Variants in COCH observed in about 807,000 individuals in gnomAD.
The protein encoded by COCH is cochlin.
Under a neutral mutation model 54.8 loss-of-function variants are expected in COCH, and 40 were observed. The ratio of observed to expected loss-of-function variants is 0.73; its 90% CI spans 0.57 to 0.95. The LOEUF is 0.95. COCH is among the 40% of genes least tolerant of loss of function. The pLI, the probability that COCH is intolerant of heterozygous loss-of-function variation, is 0.00. For missense variants in COCH, 605 were observed against 675.0 expected, an observed-to-expected ratio of 0.90 and a Z score of 1.15; for synonymous variants, 256 against 237.9, an observed-to-expected ratio of 1.08 and a Z score of -0.70.
At chr14:30,891,450 A>T (rs1895980433), downstream of COCH, among the ~76,000 whole-genome samples, 1 of 152,260 alleles carries the variant, frequency 6.6e-6, no homozygotes, top group Non-Finnish European at 1.5e-5. Flanking sequence ...GAGGAATAAA[A>T]GGACTACATG....
At chr14:30,893,632 T>G (rs570275569), downstream of COCH, among the ~76,000 whole-genome samples, 18 of 152,262 alleles carry the variant, frequency 1.2e-4, no homozygotes, top group Admixed American at 1.0e-3. Context: ...TGTGCATTTC[T>G]GGGGGTTATT....
At position 30,877,462 on chromosome 14, in the gene COCH, G is replaced by A. The variant is rs1483934222; in HGVS notation, c.83-110G>A. On this transcript the variant is annotated intron_variant, in intron 3 of 11. Coordinates refer to ENST00000396618, the MANE Select transcript of COCH (RefSeq NM_004086.3). This position sits in a 1 kb window ranked among gnomAD's most constrained non-coding sequence, Gnocchi z 8.6. Reference sequence around the variant, plus strand: ...GTATATAAGTCAATAGTCATAACTAGAAGTGTAGAAATTAGGGAAGTAAAA... The same window carrying A: ...GTATATAAGTCAATAGTCATAACTAAAAGTGTAGAAATTAGGGAAGTAAAA... 1.6e-5 allele frequency: 22 copies of A among 1,348,446 alleles called. No homozygotes were observed. The highest frequency in any genetic ancestry group is 5.8e-5 in the Admixed American group (3 of 51,960). 83.5% of individuals were successfully genotyped at this position (1,348,446 alleles called of 1,614,324 possible). A position where few individuals can be genotyped will look rare whatever the true frequency, so the allele number is the denominator to read the frequency against.
In COCH at chr14:30,887,127, C is replaced by G. The variant is rs570198354; in HGVS notation, c.1477+815C>G. ...AAATTTCCTTGGCCAGGTGCAGTGGCTCACATCTGTAATTCAGCACTTTGG... is the reference window on the plus strand; with the variant it reads ...AAATTTCCTTGGCCAGGTGCAGTGGGTCACATCTGTAATTCAGCACTTTGG... On this transcript the variant is annotated intron_variant, in intron 11 of 11. Transcript: ENST00000396618. Among the ~76,000 whole-genome samples, 9 of 152,264 alleles carry G rather than the reference C, an allele frequency of 5.9e-5. No individual in the cohort carries two copies. The South Asian group carries it at 1.9e-3, about 32-fold the overall frequency.
Position 30,878,952 on chromosome 14 carries a change from T to C in COCH, c.373+8T>C, listed in dbSNP as rs1199281495. ...CTTCTTTCACAGTAACTAGTAGGTA[T>C]AATTATTGTTCTCATTCTGTAATAT... On this transcript the variant is annotated splice_region_variant and intron_variant, in intron 5 of 11. Coordinates refer to ENST00000396618, the MANE Select transcript of COCH (RefSeq NM_004086.3). 1.2e-6 allele frequency: 2 copies of C among 1,613,838 alleles called. No homozygotes were observed. Among genetic ancestry groups the C allele is most frequent in the South Asian group, 1.1e-5 (1 of 91,074 alleles).
chr14:30,884,500 C>T, intron 8 of COCH, 53 bp from the exon 9 acceptor site: 1 of 1,273,314 alleles, frequency 7.9e-7, no homozygotes, highest in South Asian at 1.2e-5. Context: ...TGTAATGTTG[C>T]TTATTTTACC....
intron 11 of COCH, chr14:30,889,199 A>G: frequency 2.0e-5 from 4 of 204,044 alleles, no homozygotes; most frequent in Non-Finnish European, 4.0e-5. Flanking sequence ...CTCTGACTCC[A>G]GTATACTGTT....
chr14:30,888,806 AAAG>A (rs1300089504), intron 11 of COCH, among the ~76,000 whole-genome samples: 3 of 151,916 alleles, frequency 2.0e-5, no homozygotes, highest in African/African-American at 7.3e-5. Flanking sequence ...AAAAAAAAAA[AAAG>A]ATTAAATGAA....
downstream of COCH, chr14:30,890,623 G>C: frequency 8.3e-6 from 8 of 964,582 alleles, no homozygotes; most frequent in Non-Finnish European, 9.9e-6. Context: ...TTGTAAGCTG[G>C]CTTACTTTTA....
Position 30,880,436 on chromosome 14 carries a change from G to T in COCH, c.437-16G>T. 1 of 1,613,482 alleles carries T rather than the reference G, an allele frequency of 6.2e-7. No homozygotes were observed. Among genetic ancestry groups the T allele is most frequent in the Non-Finnish European group, 8.5e-7 (1 of 1,179,662 alleles). ...TGTCTTCCTTTTGTTAATGCCAAGT[G>T]CATCTTTTATTTCAGGTAAACGACT... On this transcript the variant is annotated splice_polypyrimidine_tract_variant and intron_variant, in intron 6 of 11. Coordinates refer to ENST00000396618, the MANE Select transcript of COCH (RefSeq NM_004086.3).
rs1313868752 is a variant in COCH at position 30,886,422 on chromosome 14, T to A, written c.1477+110T>A. On this transcript the variant is annotated intron_variant, in intron 11 of 11. Transcript: ENST00000396618. ...TTCATTAAACAAACACCTGTGGCTT[T>A]ACCCAATATTAACTGTTAAAGCAGC... is the stretch of plus-strand genomic sequence containing the variant. 2.6e-6 allele frequency: 3 copies of A among 1,160,360 alleles called. No individual in the cohort carries two copies. The Admixed American group carries it at 6.2e-5, about 24-fold the overall frequency. The allele number at this position is 1,160,360 out of a possible 1,614,324, so 71.9% of individuals were successfully genotyped here. A position where few individuals can be genotyped will look rare whatever the true frequency, so the allele number is the denominator to read the frequency against.
intron 8 of COCH, among the ~76,000 whole-genome samples, chr14:30,880,935 C>T (rs541313848): frequency 4.7e-4 from 71 of 152,088 alleles, no homozygotes; most frequent in Non-Finnish European, 9.3e-4. Flanking sequence ...CAAATGAGGC[C>T]GGGTGCAGTG....
At position 30,885,544 on chromosome 14, in the gene COCH, A is replaced by G; in HGVS notation, c.884A>G (p.Asn295Ser). The stretch of plus-strand genomic sequence containing the variant: ...ATTGTGGCCAGAGAGTTTGGTGTCA[A>G]TGTATTTATAGTTTCTGTGGCCAAG... ...AGIVAREFGV[N>S]VFIVSVAKPI... Residue 295 changes from asparagine to serine, a missense_variant, in exon 10 of 12, where the codon AAT (asparagine) becomes AGT (serine). Asn to Ser is a conservative substitution (Grantham distance 46). Coordinates refer to ENST00000396618, the MANE Select transcript of COCH (RefSeq NM_004086.3). 1 of 1,613,406 alleles carries G rather than the reference A, an allele frequency of 6.2e-7. No homozygotes were observed. Among genetic ancestry groups the G allele is most frequent in the South Asian group, 1.1e-5 (1 of 91,072 alleles).
downstream of COCH, chr14:30,895,023 T>C (rs1896094008): frequency 4.3e-6 from 1 of 230,434 alleles, no homozygotes; most frequent in Admixed American, 9.3e-5. Context: ...GAGCACCACA[T>C]TCCTAACCCC....
rs146115619 is a variant in COCH at position 30,877,615 on chromosome 14, G to A, written c.126G>A (p.Arg42=). Residue 42 remains arginine (R), a synonymous_variant, in exon 4 of 12, where the codon AGG becomes AGA. Transcript: ENST00000396618. This position sits in a 1 kb window ranked among gnomAD's most constrained non-coding sequence, Gnocchi z 8.6. ...ITCFTRGLDI[R]KEKADVLCPG... is the part of the protein sequence containing the mutation. ...GTTTTACCAGAGGCTTGGACATCAG[G>A]AAAGAGAAAGCAGATGTCCTCTGCC... 4.3e-6 allele frequency: 7 copies of A among 1,614,206 alleles called. No individual in the cohort carries two copies. In the East Asian group the frequency reaches 1.1e-4, roughly 26 times the overall value.
intron 8 of COCH, 136 bp downstream of exon 8, chr14:30,880,870 G>A (rs1895555462): frequency 1.4e-6 from 1 of 716,864 alleles, no homozygotes; most frequent in Admixed American, 2.2e-5. Context: ...AGAGTAATTA[G>A]CATATCCATC....
At chr14:30,893,900 A>G (rs1896059418), downstream of COCH, 1 of 152,646 alleles carries the variant, frequency 6.6e-6, no homozygotes, top group African/African-American at 2.4e-5. Context: ...ACACAATTTA[A>G]TATTTATTAT....
At chr14:30,889,429 A>G (rs1895906357) in intron 11 of COCH, 187 bp from the exon 12 acceptor site, 1 of 596,766 alleles carries the variant, frequency 1.7e-6, no homozygotes, top group Admixed American at 2.7e-5. Context: ...TCTGGTTTGG[A>G]CCACTCTTTT....
chr14:30,887,421 CT>C (rs1273144680), intron 11 of COCH, among the ~76,000 whole-genome samples: 1 of 150,106 alleles, frequency 6.7e-6, no homozygotes, highest in African/African-American at 2.4e-5. Context: ...AAAAAAAAAA[CT>C]TTTTCCCCCC....
intron 4 of COCH, 35 bp from the exon 5 acceptor site, chr14:30,878,776 T>C (rs1895463547): frequency 1.2e-6 from 2 of 1,613,926 alleles, no homozygotes; most frequent in Non-Finnish European, 1.7e-6. Flanking sequence ...TGAAAAAGTG[T>C]GGATAGCATC....
Sources: allele counts gnomAD v4.1 joint callset (sites outside exome capture counted in the v4.1 genomes callset), GRCh38; gene constraint gnomAD v4.1.1; non-coding constraint Gnocchi (gnomAD v3.1); transcripts MANE v1.5; gene names NCBI Gene and HGNC (gene_info 2026-07-23, HGNC 2026-07-21).